Variants in ARHGAP20 observed in about 807,000 individuals in gnomAD.
The protein encoded by ARHGAP20 is rho GTPase-activating protein 20.
Under a neutral mutation model 73.7 loss-of-function variants are expected in ARHGAP20, and 34 were observed. That is an observed-to-expected ratio of 0.46 (90% confidence interval 0.35 to 0.61). The LOEUF is 0.61. Among genes scored for constraint, ARHGAP20 ranks in the 20% least tolerant of loss-of-function variants. The probability of loss-of-function intolerance (pLI) is 0.00; values close to 1 mark genes in which losing one functional copy is unlikely to be tolerated. For synonymous variants in ARHGAP20, 523 were observed against 518.2 expected (o/e 1.01, Z -0.13); for missense variants, 1,314 against 1,420.9 (o/e 0.92, Z 1.21).
chr11:110,583,840 A>G, intron 12 of ARHGAP20, 103 bp from the exon 13 acceptor site: 1 of 949,230 alleles, frequency 1.1e-6, no homozygotes, highest in Non-Finnish European at 1.5e-6. Flanking sequence ...TCAAGAACAC[A>G]GTTCAGATAT....
intron 1 of ARHGAP20, among the ~76,000 whole-genome samples, chr11:110,703,004 G>A (rs186542585): frequency 6.6e-6 from 1 of 152,284 alleles, no homozygotes; most frequent in Non-Finnish European, 1.5e-5. Context: ...AGCTACCAAT[G>A]ACTTTCTTCA....
Position 110,578,164 on chromosome 11 carries a change from T to C in ARHGAP20, c.*1206A>G, listed in dbSNP as rs12290031. On this transcript the variant is annotated 3_prime_UTR_variant, in exon 15 of 15. Coordinates refer to ENST00000683387, the MANE Select transcript of ARHGAP20 (RefSeq NM_001384657.1). The stretch of plus-strand genomic sequence containing the variant: ...AAGAAAGCAGAGAAAGAAAGGTCCA[T>C]GGATATAAAATAAACCAATGGGGTA... 3.4e-4 allele frequency: 333 copies of C among 985,388 alleles called. 1 individual carries two copies. The African/African-American group carries it at 5.4e-3, about 16-fold the overall frequency. 61.0% of individuals were successfully genotyped at this position (985,388 alleles called of 1,614,324 possible).
chr11:110,621,397 C>A (rs1033919985), intron 4 of ARHGAP20, among the ~76,000 whole-genome samples: 1 of 151,830 alleles, frequency 6.6e-6, no homozygotes, highest in African/African-American at 2.4e-5. Context: ...GTATATTATA[C>A]TTTTTGATAT....
Position 110,659,918 on chromosome 11 carries a change from T to G in ARHGAP20, c.189-29126A>C, listed in dbSNP as rs1371101608. ...GAGGACTGTTGTGGGGTGGGGGGAGTGGGGAGGGATAGCACTGGGAGATAT... is the reference window on the plus strand; with the variant it reads ...GAGGACTGTTGTGGGGTGGGGGGAGGGGGGAGGGATAGCACTGGGAGATAT... On this transcript the variant is annotated intron_variant, in intron 2 of 14. Coordinates refer to ENST00000683387, the MANE Select transcript of ARHGAP20 (RefSeq NM_001384657.1). Among the ~76,000 whole-genome samples the G allele has an allele frequency of 4.7e-3, 556 of 117,432 alleles. 2 individuals carry two copies. The highest frequency in any genetic ancestry group is 0.014 in the African/African-American group (423 of 30,234). The allele number at this position is 117,432 out of a possible 152,430, so 77.0% of individuals were successfully genotyped here. A position where few individuals can be genotyped will look rare whatever the true frequency, so the allele number is the denominator to read the frequency against.
At chr11:110,613,104 T>C (rs1948406094) in intron 6 of ARHGAP20, among the ~76,000 whole-genome samples, 1 of 152,248 alleles carries the variant, frequency 6.6e-6, no homozygotes, top group South Asian at 2.1e-4. Context: ...ATAGTTTTTC[T>C]TAATACTAGG....
Position 110,577,654 on chromosome 11 carries a change from G to A in ARHGAP20, c.*1716C>T, listed in dbSNP as rs113191995. On this transcript the variant is annotated 3_prime_UTR_variant, in exon 15 of 15. Coordinates refer to ENST00000683387, the MANE Select transcript of ARHGAP20 (RefSeq NM_001384657.1). Reference sequence around the variant, plus strand: ...TTAGAAGTCTTAATATGTAGGACTGGTTAGTTATAAAGTGAAATCGACTTC... The same window carrying A: ...TTAGAAGTCTTAATATGTAGGACTGATTAGTTATAAAGTGAAATCGACTTC... 77 of 985,784 alleles carry A rather than the reference G, an allele frequency of 7.8e-5. No individual in the cohort carries two copies. The African/African-American group carries it at 1.1e-3, about 14-fold the overall frequency. 61.1% of individuals were successfully genotyped at this position (985,784 alleles called of 1,614,324 possible). A position where few individuals can be genotyped will look rare whatever the true frequency, so the allele number is the denominator to read the frequency against.
intron 2 of ARHGAP20, among the ~76,000 whole-genome samples, chr11:110,683,024 C>T (rs1950065804): frequency 6.6e-6 from 1 of 152,072 alleles, no homozygotes; most frequent in African/African-American, 2.4e-5. Context: ...CAAAGTCTTG[C>T]AAACAGCCCA....
chr11:110,678,867 G>A (rs1468898164), intron 2 of ARHGAP20, among the ~76,000 whole-genome samples: 1 of 151,964 alleles, frequency 6.6e-6, no homozygotes, highest in East Asian at 1.9e-4. Flanking sequence ...GTTTTACCAC[G>A]TTGCCCAGGC....
intron 2 of ARHGAP20, among the ~76,000 whole-genome samples, chr11:110,671,362 G>A (rs1949824233): frequency 6.6e-6 from 1 of 151,832 alleles, no homozygotes; most frequent in Non-Finnish European, 1.5e-5. Flanking sequence ...ACTTTATAAA[G>A]AACACCTACC....
intron 2 of ARHGAP20, among the ~76,000 whole-genome samples, chr11:110,688,893 T>C (rs1406860834): frequency 6.6e-6 from 1 of 152,192 alleles, no homozygotes; most frequent in Non-Finnish European, 1.5e-5. Context: ...GAGAACTTGC[T>C]ATGTGCTCGG....
At chr11:110,633,912 T>C (rs1305149458) in intron 2 of ARHGAP20, among the ~76,000 whole-genome samples, 1 of 152,078 alleles carries the variant, frequency 6.6e-6, no homozygotes, top group Non-Finnish European at 1.5e-5. Context: ...GACAGGTGCA[T>C]AAATAACTCT....
At chr11:110,680,014 G>A (rs1271262501) in intron 2 of ARHGAP20, among the ~76,000 whole-genome samples, 2 of 152,178 alleles carry the variant, frequency 1.3e-5, no homozygotes, top group Non-Finnish European at 2.9e-5. Flanking sequence ...CCATAGTCAA[G>A]TTGAGGCAAG....
chr11:110,631,651 G>A (rs1265954013), intron 2 of ARHGAP20, among the ~76,000 whole-genome samples: 1 of 152,042 alleles, frequency 6.6e-6, no homozygotes, highest in African/African-American at 2.4e-5. Context: ...CCTCACTACT[G>A]AGGAATGGAC....
intron 2 of ARHGAP20, among the ~76,000 whole-genome samples, chr11:110,660,232 G>T (rs1228577216): frequency 1.3e-5 from 2 of 152,016 alleles, no homozygotes; most frequent in African/African-American, 2.4e-5. Context: ...ACTTGTTCCA[G>T]GTGATGCTGA....
intron 14 of ARHGAP20, 120 bp from the exon 15 acceptor site, chr11:110,581,345 GAATCTTTCAC>G: frequency 9.1e-7 from 1 of 1,101,942 alleles, no homozygotes; most frequent in South Asian, 1.9e-5. Flanking sequence ...AAGAAAGAGA[GAATCTTTCAC>G]AATCTCAATT....
At chr11:110,687,411 A>C (rs1950158722) in intron 2 of ARHGAP20, among the ~76,000 whole-genome samples, 1 of 152,128 alleles carries the variant, frequency 6.6e-6, no homozygotes, top group Non-Finnish European at 1.5e-5. Context: ...TACTACTAAG[A>C]ATCTGGGAGA....
chr11:110,608,579 G>T (rs1442859938), intron 8 of ARHGAP20, among the ~76,000 whole-genome samples: 1 of 152,104 alleles, frequency 6.6e-6, no homozygotes, highest in Non-Finnish European at 1.5e-5. Context: ...ATGCATGGTT[G>T]TATTTTAGGT....
rs573299444 is a variant in ARHGAP20 at position 110,578,963 on chromosome 11, GT to G, written c.*406del. The G allele has an allele frequency of 1.0e-6, 1 of 988,394 alleles. No homozygotes were observed. Among genetic ancestry groups the G allele is most frequent in the Non-Finnish European group, 1.2e-6 (1 of 831,880 alleles). 61.2% of individuals were successfully genotyped at this position (988,394 alleles called of 1,614,324 possible). ...ACTTATTAAAAACATTCCATGGAAT[GT>G]AGATGGTTTCTCTGTACCCTTCCCC... On this transcript the variant is annotated 3_prime_UTR_variant, in exon 15 of 15. Coordinates refer to ENST00000683387, the MANE Select transcript of ARHGAP20 (RefSeq NM_001384657.1).
At chr11:110,650,317 A>C (rs1373368413) in intron 2 of ARHGAP20, among the ~76,000 whole-genome samples, 1 of 152,146 alleles carries the variant, frequency 6.6e-6, no homozygotes, top group African/African-American at 2.4e-5. Context: ...ATAGCTAAAC[A>C]AAACAGCATC....
Sources: allele counts gnomAD v4.1 joint callset (sites outside exome capture counted in the v4.1 genomes callset), GRCh38; gene constraint gnomAD v4.1.1; transcripts MANE v1.5; gene names NCBI Gene and HGNC (gene_info 2026-07-23, HGNC 2026-07-21).